Variants in SORL1 observed in about 807,000 individuals in gnomAD.
SORL1 encodes the protein sortilin-related receptor.
SORL1 carries 127 observed loss-of-function variants against 273.7 expected under a neutral mutation model. The observed-to-expected ratio is 0.46, with a 90% CI of 0.40 to 0.54. The LOEUF (loss-of-function observed/expected upper bound fraction) is 0.54. SORL1 is among the 20% of genes least tolerant of loss of function. The probability of loss-of-function intolerance (pLI) is 0.00; values close to 1 mark genes in which losing one functional copy is unlikely to be tolerated. For missense variants in SORL1, 2,494 were observed against 2,846.1 expected, an observed-to-expected ratio of 0.88 and a Z score of 2.81; for synonymous variants, 1,031 against 1,067.4, an observed-to-expected ratio of 0.97 and a Z score of 0.66.
intron 1 of SORL1, among the ~76,000 whole-genome samples, chr11:121,466,023 TTTG>T (rs1453783860): frequency 6.6e-6 from 1 of 152,100 alleles, no homozygotes; most frequent in Admixed American, 6.5e-5. Context: ...CCAGATGCTG[TTTG>T]TTGTTTATGA....
At position 121,522,908 on chromosome 11, in the gene SORL1, C is replaced by T; in HGVS notation, c.1523-8C>T. ...AAATTAAAAATAATTATTTCTCTTG[C>T]ATTTTAGGCTCAGTGGGAAAGAACT... On this transcript the variant is annotated splice_polypyrimidine_tract_variant and splice_region_variant and intron_variant, in intron 10 of 47. Coordinates refer to ENST00000260197, the MANE Select transcript of SORL1 (RefSeq NM_003105.6). The T allele has an allele frequency of 6.2e-7, 1 of 1,607,432 alleles. No individual in the cohort carries two copies. The highest frequency in any genetic ancestry group is 8.5e-7 in the Non-Finnish European group (1 of 1,173,994).
chr11:121,464,982 T>C (rs1261080217), intron 1 of SORL1, among the ~76,000 whole-genome samples: 1 of 152,200 alleles, frequency 6.6e-6, no homozygotes, highest in East Asian at 1.9e-4. Context: ...AGAAATATAA[T>C]GTTCTCTGCA....
At chr11:121,604,381 C>T in intron 33 of SORL1, 57 bp downstream of exon 33, 2 of 1,593,428 alleles carry the variant, frequency 1.3e-6, no homozygotes, top group Non-Finnish European at 1.7e-6. Context: ...GCTCGCTTAC[C>T]CCAGGGCCCC....
At chr11:121,552,585 C>T (rs190073115) in intron 16 of SORL1, among the ~76,000 whole-genome samples, 142 of 152,170 alleles carry the variant, frequency 9.3e-4, no homozygotes, top group Admixed American at 2.3e-3. Flanking sequence ...GGAATGACAG[C>T]GGGAAGGTTT....
At chr11:121,535,274 A>G (rs1862252350) in intron 12 of SORL1, among the ~76,000 whole-genome samples, 1 of 152,210 alleles carries the variant, frequency 6.6e-6, no homozygotes, top group Non-Finnish European at 1.5e-5. Context: ...GAGATGACCT[A>G]ATCTACTTTC....
chr11:121,564,079 G>C (rs1862718051), intron 21 of SORL1, among the ~76,000 whole-genome samples: 1 of 152,216 alleles, frequency 6.6e-6, no homozygotes, highest in Non-Finnish European at 1.5e-5. Context: ...TCTTCTAAGG[G>C]AATGTCTTTG....
intron 3 of SORL1, among the ~76,000 whole-genome samples, chr11:121,485,922 C>G (rs909657310): frequency 1.3e-5 from 2 of 152,108 alleles, no homozygotes; most frequent in Non-Finnish European, 2.9e-5. Flanking sequence ...GGGGAGGAAA[C>G]GTGAGAGAGC....
At chr11:121,564,741 C>CT (rs1333780121) in intron 21 of SORL1, among the ~76,000 whole-genome samples, 11 of 150,182 alleles carry the variant, frequency 7.3e-5, no homozygotes, top group African/African-American at 2.5e-4. Context: ...GCTAATTTTG[C>CT]TTATTTTTTT....
intron 16 of SORL1, among the ~76,000 whole-genome samples, chr11:121,553,589 G>A (rs924542604): frequency 2.0e-5 from 3 of 152,254 alleles, no homozygotes; most frequent in Non-Finnish European, 4.4e-5. Context: ...AGAACAGGGC[G>A]ATTGGTGTAA....
rs532535284 is a variant in SORL1, at chr11:121,554,085, C to T, written c.2415C>T (p.Ser805=). 95 of 1,614,032 alleles carry T rather than the reference C, an allele frequency of 5.9e-5. No individual in the cohort carries two copies. The highest frequency in any genetic ancestry group is 1.9e-4 in the African/African-American group (14 of 75,046). Residue 805 remains serine, a synonymous_variant, in exon 17 of 48, where the codon TCC becomes TCT. Coordinates refer to ENST00000260197, the MANE Select transcript of SORL1 (RefSeq NM_003105.6). The surrounding 1 kb of genome is among the most constrained non-coding windows in gnomAD (Gnocchi z 4.6). ...FDYEHNCLYW[S]DLALDVIQRL... ...ATGAGCACAACTGTTTGTATTGGTC[C>T]GACCTGGCCTTGGACGTCATCCAGG...
intron 31 of SORL1, among the ~76,000 whole-genome samples, chr11:121,592,792 C>G (rs995927023): frequency 6.6e-6 from 1 of 152,216 alleles, no homozygotes; most frequent in Non-Finnish European, 1.5e-5. Flanking sequence ...TGTCCTTTCT[C>G]CTCAAGGCCT....
At chr11:121,549,259 G>C (rs1190840269) in intron 14 of SORL1, among the ~76,000 whole-genome samples, 1 of 152,174 alleles carries the variant, frequency 6.6e-6, no homozygotes, top group Non-Finnish European at 1.5e-5. Flanking sequence ...GGCTTGCTCT[G>C]TTGCCCAGGC....
chr11:121,568,713 T>C (rs1862789648), intron 22 of SORL1, among the ~76,000 whole-genome samples: 1 of 152,218 alleles, frequency 6.6e-6, no homozygotes, highest in Non-Finnish European at 1.5e-5. Context: ...ATTAAGGAGT[T>C]CTGTGTGTAA....
intron 41 of SORL1, among the ~76,000 whole-genome samples, chr11:121,616,529 G>A (rs536566026): frequency 3.3e-5 from 5 of 152,242 alleles, no homozygotes; most frequent in African/African-American, 7.2e-5. Flanking sequence ...CCTTGTCCTC[G>A]GTGATGTCAT....
intron 32 of SORL1, among the ~76,000 whole-genome samples, chr11:121,601,296 T>C: frequency 1.5e-5 from 2 of 136,998 alleles, no homozygotes; most frequent in African/African-American, 2.8e-5. Flanking sequence ...CAGTCTATCA[T>C]TGTTGGACAT....
rs747738312 is a variant in SORL1, at chr11:121,545,246, T to C, written c.1868T>C (p.Val623Ala). 144 of 1,613,718 alleles carry C rather than the reference T, an allele frequency of 8.9e-5. No individual in the cohort carries two copies. Among genetic ancestry groups the C allele is most frequent in the Non-Finnish European group, 1.2e-4 (141 of 1,179,876 alleles). ...LQVNATDALG[V>A]PCTENDYKLW... is the part of the protein sequence containing the mutation. ...TGCTGTGTTCCTTTTTCTTTAGGAG[T>C]TCCCTGCACAGAGAATGACTACAAG... The change falls in exon 14 of 48, where the codon GTT (valine) becomes GCT (alanine). Residue 623 changes from valine (V) to alanine (A), a missense_variant. Val to Ala is a moderately conservative substitution (Grantham distance 64, BLOSUM62 0). Coordinates refer to ENST00000260197, the MANE Select transcript of SORL1 (RefSeq NM_003105.6).
chr11:121,532,294 G>A (rs542360966), intron 11 of SORL1, among the ~76,000 whole-genome samples, 170 bp from the exon 12 acceptor site: 2 of 152,346 alleles, frequency 1.3e-5, no homozygotes, highest in South Asian at 4.1e-4. Context: ...GTGTGGAACA[G>A]ATGAGATAAT....
At chr11:121,602,726 ATAACT>A (rs1863412670) in intron 32 of SORL1, among the ~76,000 whole-genome samples, 1 of 152,200 alleles carries the variant, frequency 6.6e-6, no homozygotes, top group Admixed American at 6.5e-5. Context: ...CACCTTTAAC[ATAACT>A]TTGTTACTTG....
intron 14 of SORL1, among the ~76,000 whole-genome samples, chr11:121,545,836 C>A (rs1449827291): frequency 2.0e-5 from 3 of 152,136 alleles, no homozygotes; most frequent in African/African-American, 7.2e-5. Context: ...TGTGTGTTTG[C>A]ATCATTTATT....
Sources: gnomAD v4.1 joint callset for allele counts (sites outside exome capture counted in the v4.1 genomes callset) on GRCh38, gnomAD v4.1.1 for gene constraint, Gnocchi (gnomAD v3.1) non-coding constraint, MANE v1.5 for transcripts, NCBI Gene and HGNC (gene_info 2026-07-23, HGNC 2026-07-21) for gene names.